Variants in AGPS observed in about 807,000 individuals in gnomAD.
AGPS encodes alkyldihydroxyacetonephosphate synthase, peroxisomal.
In AGPS, 26 loss-of-function variants were observed where a neutral mutation model predicts 90.7. The observed-to-expected ratio is 0.29, with a 90% CI of 0.21 to 0.40. AGPS has a LOEUF of 0.40. Ranked by LOEUF, AGPS falls within the 10% of genes least tolerant of loss-of-function variation. AGPS has a pLI of 1.00. For missense variants in AGPS, 540 were observed against 816.1 expected, an observed-to-expected ratio of 0.66 and a Z score of 4.12; for synonymous variants, 294 against 285.3, an observed-to-expected ratio of 1.03 and a Z score of -0.31.
intron 16 of AGPS, among the ~76,000 whole-genome samples, chr2:177,512,030 A>AC (rs1559079102): frequency 6.6e-6 from 1 of 152,020 alleles, no homozygotes; most frequent in Non-Finnish European, 1.5e-5. Context: ...GTATTCTTAG[A>AC]TTTTTTTTAG....
intron 18 of AGPS, among the ~76,000 whole-genome samples, chr2:177,521,688 A>G (rs572507843): frequency 1.9e-4 from 29 of 152,294 alleles, no homozygotes; most frequent in Non-Finnish European, 3.5e-4. Flanking sequence ...CAGCCCACTC[A>G]TTTCCACATG....
intron 17 of AGPS, among the ~76,000 whole-genome samples, chr2:177,515,408 T>C (rs1688993831): frequency 6.6e-6 from 1 of 152,140 alleles, no homozygotes; most frequent in African/African-American, 2.4e-5. Context: ...TCTTGTGTAG[T>C]TGAGAAATTT....
At chr2:177,393,648 A>G in intron 1 of AGPS, 1 of 854,592 alleles carries the variant, frequency 1.2e-6, no homozygotes, top group Non-Finnish European at 1.4e-6. Context: ...GTGTGGTGGT[A>G]TAGCTACTGA....
chr2:177,463,754 A>G (rs1377388318), intron 9 of AGPS, among the ~76,000 whole-genome samples: 1 of 152,086 alleles, frequency 6.6e-6, no homozygotes, highest in Non-Finnish European at 1.5e-5. Context: ...TCCTTTTGCT[A>G]TTGGATTATT....
At chr2:177,452,622 G>A (rs1034364107) in intron 8 of AGPS, among the ~76,000 whole-genome samples, 4 of 152,004 alleles carry the variant, frequency 2.6e-5, no homozygotes, top group African/African-American at 9.7e-5. Context: ...TTTTATCTAA[G>A]TTGACAATCA....
intron 1 of AGPS, among the ~76,000 whole-genome samples, chr2:177,415,135 A>G (rs1245493278): frequency 6.6e-6 from 1 of 152,024 alleles, no homozygotes; most frequent in African/African-American, 2.4e-5. Context: ...ATGCATATCT[A>G]TTCAACTTAC....
At chr2:177,469,305 T>C (rs2105676530) in intron 10 of AGPS, among the ~76,000 whole-genome samples, 1 of 152,264 alleles carries the variant, frequency 6.6e-6, no homozygotes, top group Admixed American at 6.5e-5. Context: ...AGAAGATATA[T>C]TTTGGTAACA....
Position 177,491,511 on chromosome 2 carries a change from G to T in AGPS, c.1234-1637G>T, listed in dbSNP as rs898475237. On this transcript the variant is annotated intron_variant, in intron 11 of 19. Transcript: ENST00000264167. ...AGGCTGGTCTTGAACTCCTGACCTC[G>T]GGCAGTCTGCCTCCCTTGGCTTCCC... is the stretch of plus-strand genomic sequence containing the variant. 2.8e-5 allele frequency among the ~76,000 whole-genome samples: 4 copies of T among 145,416 alleles called. No homozygotes were observed. In the East Asian group the frequency reaches 8.2e-4, roughly 30 times the overall value.
At chr2:177,524,887 A>T (rs972481609) in intron 19 of AGPS, among the ~76,000 whole-genome samples, 1 of 152,212 alleles carries the variant, frequency 6.6e-6, no homozygotes, top group African/African-American at 2.4e-5. Context: ...TGTCCATATC[A>T]TATTCTTACA....
intron 5 of AGPS, 111 bp downstream of exon 5, chr2:177,437,165 TGTATTTTTAAGAGA>T (rs1686439594): frequency 9.5e-7 from 1 of 1,055,270 alleles, no homozygotes; most frequent in Admixed American, 1.8e-5. Context: ...TATAAATTGC[TGTATTTTTAAGAGA>T]GTTTACATAA....
intron 14 of AGPS, among the ~76,000 whole-genome samples, chr2:177,503,564 G>A (rs1688623019): frequency 6.6e-6 from 1 of 152,098 alleles, no homozygotes; most frequent in Non-Finnish European, 1.5e-5. Flanking sequence ...GTAGGGGATC[G>A]ATGTTGCTAC....
intron 17 of AGPS, among the ~76,000 whole-genome samples, chr2:177,518,687 C>G (rs974048924): frequency 7.3e-5 from 9 of 122,568 alleles, no homozygotes; most frequent in Admixed American, 6.5e-4. Flanking sequence ...CCCCTTGCCA[C>G]TATCTATCTG....
intron 2 of AGPS, among the ~76,000 whole-genome samples, chr2:177,424,094 C>T (rs1686010508): frequency 6.6e-6 from 1 of 152,118 alleles, no homozygotes; most frequent in Non-Finnish European, 1.5e-5. Flanking sequence ...AGCTGTTTTT[C>T]CTGATGCTCT....
intron 3 of AGPS, among the ~76,000 whole-genome samples, chr2:177,434,862 A>G (rs995785661): frequency 3.3e-5 from 5 of 151,654 alleles, no homozygotes; most frequent in African/African-American, 1.2e-4. Context: ...AATCACATTT[A>G]GTATTAGGAT....
At position 177,436,768 on chromosome 2, in the gene AGPS, C is replaced by T. The variant is rs909783707; in HGVS notation, c.446C>T (p.Ser149Phe). 1 of 1,611,086 alleles carries T rather than the reference C, an allele frequency of 6.2e-7. No homozygotes were observed. The highest frequency in any genetic ancestry group is 1.7e-5 in the Admixed American group (1 of 59,998). ...GAAATCAATTTTATTTTCTAGGCAT[C>T]CTTAAATCCTAGTGATACACCTCCT... The part of the protein sequence containing the change: ...NVEHKTTSKA[S>F]LNPSDTPPSV... The change falls in exon 4 of 20, where the codon TCC becomes TTC. Residue 149 changes from serine to phenylalanine, a missense_variant. By Grantham distance (155) the Ser-to-Phe change is radical. Around this residue, in one of 2 missense-constraint regions of AGPS, gnomAD observed 405 missense variants for 692.1 expected, o/e 0.59. Coordinates refer to ENST00000264167, the MANE Select transcript of AGPS (RefSeq NM_003659.4).
At chr2:177,503,916 C>T (rs916261441) in intron 14 of AGPS, among the ~76,000 whole-genome samples, 1 of 152,018 alleles carries the variant, frequency 6.6e-6, no homozygotes, top group Non-Finnish European at 1.5e-5. Context: ...CTGTTTCCTC[C>T]CTACTGCCAG....
intron 17 of AGPS, among the ~76,000 whole-genome samples, chr2:177,516,421 G>A (rs1689024685): frequency 6.6e-6 from 1 of 152,124 alleles, no homozygotes; most frequent in Non-Finnish European, 1.5e-5. Context: ...TAGTGACTTT[G>A]ACAACCACGC....
chr2:177,431,954 G>A (rs1341612174), intron 2 of AGPS, among the ~76,000 whole-genome samples: 5 of 152,172 alleles, frequency 3.3e-5, no homozygotes, highest in Admixed American at 3.3e-4. Flanking sequence ...ATTAATTTTG[G>A]GAACTGATAA....
chr2:177,477,145 T>C (rs1022529098), intron 10 of AGPS, among the ~76,000 whole-genome samples: 2 of 152,152 alleles, frequency 1.3e-5, no homozygotes, highest in Non-Finnish European at 2.9e-5. Context: ...TTTAATGTTA[T>C]TATTGGTATG....
Sources: allele counts gnomAD v4.1 joint callset (sites outside exome capture counted in the v4.1 genomes callset), GRCh38; gene constraint gnomAD v4.1.1; regional missense constraint gnomAD v4.1.1; transcripts MANE v1.5; gene names NCBI Gene and HGNC (gene_info 2026-07-23, HGNC 2026-07-21).